NBEA: variants seen among roughly 807,000 people sequenced by gnomAD.
NBEA encodes lysosomal-trafficking regulator 2.
Under a neutral mutation model 343.4 loss-of-function variants are expected in NBEA, and 44 were observed. The ratio of observed to expected loss-of-function variants is 0.13; its 90% CI spans 0.10 to 0.16. NBEA has a LOEUF of 0.16. NBEA is among the 10% of genes least tolerant of loss of function. The pLI, the probability that NBEA is intolerant of heterozygous loss-of-function variation, is 1.00. For missense variants in NBEA, 2,555 were observed against 3,631.3 expected (o/e 0.70, Z 7.62); for synonymous variants, 1,175 against 1,238.7 (o/e 0.95, Z 1.08).
chr13:35,594,939 T>C (rs1172220477), intron 47 of NBEA, among the ~76,000 whole-genome samples: 1 of 144,616 alleles, frequency 6.9e-6, no homozygotes, highest in African/African-American at 2.7e-5. Flanking sequence ...CACTGTTGTT[T>C]GACATCATCA....
intron 52 of NBEA, among the ~76,000 whole-genome samples, chr13:35,650,577 C>A (rs1476315707): frequency 6.6e-6 from 1 of 152,162 alleles, no homozygotes; most frequent in East Asian, 1.9e-4. Flanking sequence ...TGGCAGGCAC[C>A]TGTAATCCCA....
chr13:35,226,076 A>C (rs73491667), intron 33 of NBEA, among the ~76,000 whole-genome samples: 2,496 of 152,250 alleles, frequency 0.016, 64 homozygotes, highest in African/African-American at 0.052. Context: ...TCGGTGCTTT[A>C]CTGGGGAATA....
chr13:35,184,580 T>C (rs564368918), intron 30 of NBEA, among the ~76,000 whole-genome samples: 5 of 151,988 alleles, frequency 3.3e-5, no homozygotes, highest in Non-Finnish European at 7.4e-5. Context: ...AAAAATGTGA[T>C]GCATAAGCAA....
At chr13:35,355,325 T>C (rs762816394) in intron 38 of NBEA, among the ~76,000 whole-genome samples, 44 of 152,162 alleles carry the variant, frequency 2.9e-4, no homozygotes, top group Non-Finnish European at 7.3e-5. Flanking sequence ...GTGACTCTTA[T>C]TAAAATGTAG....
At chr13:35,263,941 A>G (rs1364759480) in intron 34 of NBEA, among the ~76,000 whole-genome samples, 2 of 151,962 alleles carry the variant, frequency 1.3e-5, no homozygotes, top group Non-Finnish European at 2.9e-5. Flanking sequence ...GAAATAGATG[A>G]AATAGAGACT....
At chr13:35,286,902 G>A (rs115454686) in intron 34 of NBEA, among the ~76,000 whole-genome samples, 1,591 of 152,000 alleles carry the variant, frequency 0.01, 23 homozygotes, top group African/African-American at 0.03. Flanking sequence ...TTGGATAATG[G>A]TTTACTCAGC....
At chr13:35,243,590 G>A (rs966752990) in intron 34 of NBEA, among the ~76,000 whole-genome samples, 1 of 151,750 alleles carries the variant, frequency 6.6e-6, no homozygotes, top group Non-Finnish European at 1.5e-5. Flanking sequence ...TGTCCAAATA[G>A]TAACCAAAAC....
intron 38 of NBEA, among the ~76,000 whole-genome samples, chr13:35,409,389 G>A (rs1406515767): frequency 6.6e-6 from 1 of 151,622 alleles, no homozygotes; most frequent in Non-Finnish European, 1.5e-5. Flanking sequence ...ATAACTGGTG[G>A]GTACTAGGCT....
intron 32 of NBEA, 25 bp from the exon 33 acceptor site, chr13:35,211,028 C>A: frequency 6.5e-7 from 1 of 1,542,542 alleles, no homozygotes; most frequent in Non-Finnish European, 8.7e-7. Flanking sequence ...ATGTTTAAGG[C>A]TAAAAATTAT....
At chr13:35,612,424 G>A (rs924520329) in intron 48 of NBEA, among the ~76,000 whole-genome samples, 1 of 152,102 alleles carries the variant, frequency 6.6e-6, no homozygotes, top group African/African-American at 2.4e-5. Flanking sequence ...GAGCCACGGC[G>A]CCTGGCCTAC....
At chr13:35,382,323 A>G (rs1305426199) in intron 38 of NBEA, among the ~76,000 whole-genome samples, 1 of 152,196 alleles carries the variant, frequency 6.6e-6, no homozygotes, top group Non-Finnish European at 1.5e-5. Flanking sequence ...AAATACCTTT[A>G]TCATTTCCTT....
Position 35,481,609 on chromosome 13 carries a change from T to A in NBEA, c.6585+9073T>A, listed in dbSNP as rs117889657. The stretch of plus-strand genomic sequence containing the variant: ...GTGTAGGAAATATGGATTCCAATAG[T>A]CTAATTTCTCACAAACCCTTCAGAA... On this transcript the variant is annotated intron_variant, in intron 41 of 58. Coordinates refer to ENST00000379939, the MANE Select transcript of NBEA (RefSeq NM_001385012.1). Among the ~76,000 whole-genome samples the A allele has an allele frequency of 1.3e-3, 197 of 151,982 alleles. 1 individual carries two copies. The highest frequency in any genetic ancestry group is 3.7e-3 in the African/African-American group (155 of 41,560).
chr13:35,409,147 T>C (rs879719864), intron 38 of NBEA, among the ~76,000 whole-genome samples: 5 of 152,196 alleles, frequency 3.3e-5, no homozygotes, highest in Admixed American at 6.6e-5. Context: ...ATATACACCA[T>C]GGAGTACTGT....
At chr13:35,143,123 G>T (rs1388249597) in intron 18 of NBEA, among the ~76,000 whole-genome samples, 1 of 152,162 alleles carries the variant, frequency 6.6e-6, no homozygotes, top group East Asian at 1.9e-4. Flanking sequence ...ATTTCTAAAT[G>T]GTTGAAAATA....
chr13:35,219,566 T>G (rs534170733), intron 33 of NBEA, among the ~76,000 whole-genome samples: 1 of 152,254 alleles, frequency 6.6e-6, no homozygotes, highest in Non-Finnish European at 1.5e-5. Context: ...TACACATGAT[T>G]TATTATAAAA....
intron 41 of NBEA, among the ~76,000 whole-genome samples, chr13:35,546,674 T>G (rs1485786348): frequency 1.3e-5 from 2 of 151,688 alleles, no homozygotes; most frequent in Non-Finnish European, 2.9e-5. Flanking sequence ...TGCCGCAGCC[T>G]CCCAAGTAGC....
chr13:35,571,949 C>CA (rs888341873), intron 45 of NBEA, among the ~76,000 whole-genome samples: 1 of 150,334 alleles, frequency 6.7e-6, no homozygotes, highest in Non-Finnish European at 1.5e-5. Flanking sequence ...AGCACAGGAG[C>CA]AAAAAAAAAG....
At position 34,942,936 on chromosome 13, in the gene NBEA, G is replaced by C; in HGVS notation, c.116G>C (p.Gly39Ala). 1.3e-6 allele frequency: 2 copies of C among 1,565,340 alleles called. No individual in the cohort carries two copies. Among genetic ancestry groups the C allele is most frequent in the Non-Finnish European group, 1.7e-6 (2 of 1,155,708 alleles). The change falls in exon 1 of 59, where the codon GGC becomes GCC. Residue 39 changes from glycine (G) to alanine (A), a missense_variant. Physicochemically the swap from Gly to Ala is moderately conservative, Grantham distance 60 (BLOSUM62 0). This residue lies in a region of NBEA where 122 missense variants were observed against 91.0 expected (regional missense o/e 1.34). Transcript: ENST00000379939. ...GGCAGCGGTGGTGGCGGCACCGGGG[G>C]CAGCGGGATGGGGGAGCTAAGGGGG... ...GGGSGGGGTG[G>A]SGMGELRGAS...
chr13:35,226,551 C>T (rs1016558761), intron 33 of NBEA, among the ~76,000 whole-genome samples: 2 of 152,038 alleles, frequency 1.3e-5, no homozygotes, highest in African/African-American at 2.4e-5. Context: ...TAGCCTTACC[C>T]TTTTTATCAC....
Sources: allele counts gnomAD v4.1 joint callset (sites outside exome capture counted in the v4.1 genomes callset), GRCh38; gene constraint gnomAD v4.1.1; regional missense constraint gnomAD v4.1.1; transcripts MANE v1.5; gene names NCBI Gene and HGNC (gene_info 2026-07-23, HGNC 2026-07-21).